Variants in NID1 observed in about 807,000 individuals in gnomAD.
The protein encoded by NID1 is nidogen 1.
Under a neutral mutation model 130.6 loss-of-function variants are expected in NID1, and 76 were observed. The observed-to-expected ratio is 0.58, with a 90% CI of 0.48 to 0.70. The LOEUF is 0.70. Among genes scored for constraint, NID1 ranks in the 30% least tolerant of loss-of-function variants. The pLI, the probability that NID1 is intolerant of heterozygous loss-of-function variation, is 0.00. For synonymous variants in NID1, 665 were observed against 675.1 expected, an observed-to-expected ratio of 0.98 and a Z score of 0.23; for missense variants, 1,517 against 1,664.8, an observed-to-expected ratio of 0.91 and a Z score of 1.54.
intron 12 of NID1, among the ~76,000 whole-genome samples, chr1:235,995,634 GC>G (rs995594521): frequency 6.6e-6 from 1 of 152,186 alleles, no homozygotes; most frequent in African/African-American, 2.4e-5. Flanking sequence ...CTTTCCACGT[GC>G]TATTCTTTTT....
At chr1:236,033,073 C>T (rs1464578558) in intron 5 of NID1, among the ~76,000 whole-genome samples, 32 of 152,102 alleles carry the variant, frequency 2.1e-4, no homozygotes, top group Admixed American at 2.0e-3. Flanking sequence ...TTTGGGAGGC[C>T]GAGGCAGGCA....
chr1:236,026,739 ATTTT>A (rs768617564), intron 7 of NID1, among the ~76,000 whole-genome samples: 2 of 137,180 alleles, frequency 1.5e-5, no homozygotes, highest in Admixed American at 7.3e-5. Flanking sequence ...TTTCTTTTTC[ATTTT>A]TTTTTTTTTT....
chr1:236,042,087 T>G lies in NID1; in HGVS notation c.958A>C (p.Arg320=). The change falls in exon 4 of 20, where the codon AGG becomes CGG. Residue 320 remains arginine, a synonymous_variant. Transcript: ENST00000264187. ...ACACTGTATGTGTCAGCACCTCCCCTTCTCAGAGCCTTGTAGGAGAAGGGC... is the reference window on the plus strand; with the variant it reads ...ACACTGTATGTGTCAGCACCTCCCCGTCTCAGAGCCTTGTAGGAGAAGGGC... ...TTPFSYKALR[R]GGADTYSVPS... 1 of 1,614,160 alleles carries G rather than the reference T, an allele frequency of 6.2e-7. No homozygotes were observed. Among genetic ancestry groups the G allele is most frequent in the Non-Finnish European group, 8.5e-7 (1 of 1,180,030 alleles).
chr1:236,052,805 A>T (rs921605304), intron 1 of NID1, among the ~76,000 whole-genome samples: 6 of 152,148 alleles, frequency 3.9e-5, no homozygotes, highest in Non-Finnish European at 8.8e-5. Context: ...ATAGGACAGC[A>T]ACCTGTCCAG....
rs1657375340 is a variant in NID1, at chr1:235,979,700, G to A, written c.3509+122C>T. On this transcript the variant is annotated intron_variant, in intron 18 of 19. Transcript: ENST00000264187. This position sits in a 1 kb window ranked among gnomAD's most constrained non-coding sequence, Gnocchi z 4.6. ...GGATAAGGGAGAGGGGACATCTCTA[G>A]AGGGGGCATTTCTGGAGGCTCAAAA... 6 of 1,057,356 alleles carry A rather than the reference G, an allele frequency of 5.7e-6. No individual in the cohort carries two copies. Among genetic ancestry groups the A allele is most frequent in the Middle Eastern group, 6.0e-4 (2 of 3,344 alleles). 65.5% of individuals were successfully genotyped at this position (1,057,356 alleles called of 1,614,324 possible). A position where few individuals can be genotyped will look rare whatever the true frequency, so the allele number is the denominator to read the frequency against.
At chr1:236,002,229 G>A (rs139233520) in intron 12 of NID1, among the ~76,000 whole-genome samples, 104 of 152,324 alleles carry the variant, frequency 6.8e-4, no homozygotes, top group African/African-American at 2.3e-3. Context: ...CAGGCTGGGC[G>A]CGGTGGCTCA....
At position 236,024,132 on chromosome 1, in the gene NID1, G is replaced by A; in HGVS notation, c.2066C>T (p.Pro689Leu). 1.2e-6 allele frequency: 2 copies of A among 1,614,250 alleles called. No homozygotes were observed. Among genetic ancestry groups the A allele is most frequent in the Non-Finnish European group, 1.7e-6 (2 of 1,180,042 alleles). Residue 689 changes from proline (P) to leucine (L), a missense_variant, in exon 9 of 20, where the codon CCC becomes CTC. By Grantham distance (98) the Pro-to-Leu change is moderately conservative. Coordinates refer to ENST00000264187, the MANE Select transcript of NID1 (RefSeq NM_002508.3). The stretch of plus-strand genomic sequence containing the variant: ...GCACTCGCAGGTGAACTGTGTCCTG[G>A]GACCAGGGCGACAGGCCGCGTTGGT... ...CDTNAACRPG[P>L]RTQFTCECSI...
At chr1:236,004,582 G>A (rs1301467591) in intron 12 of NID1, among the ~76,000 whole-genome samples, 2 of 151,938 alleles carry the variant, frequency 1.3e-5, no homozygotes, top group Non-Finnish European at 2.9e-5. Context: ...CTAACACGGT[G>A]AAACCCTGTC....
At chr1:236,031,767 G>A (rs1659108385) in intron 6 of NID1, among the ~76,000 whole-genome samples, 1 of 152,174 alleles carries the variant, frequency 6.6e-6, no homozygotes, top group African/African-American at 2.4e-5. Context: ...GCAGGGCAAG[G>A]GGAAGGCCAC....
At position 236,001,389 on chromosome 1, in the gene NID1, G is replaced by A. The variant is rs568772505; in HGVS notation, c.2528-7517C>T. On this transcript the variant is annotated intron_variant, in intron 12 of 19. Coordinates refer to ENST00000264187, the MANE Select transcript of NID1 (RefSeq NM_002508.3). ...CAAAGTGCTGGGATTACAGGCTTGA[G>A]CCACCACGCCCAGCCTGGCTTTGAG... 3.0e-4 allele frequency among the ~76,000 whole-genome samples: 45 copies of A among 152,256 alleles called. 1 individual carries two copies. Among genetic ancestry groups the A allele is most frequent in the African/African-American group, 1.1e-3 (45 of 41,550 alleles).
chr1:235,998,186 A>T (rs1657980617), intron 12 of NID1, among the ~76,000 whole-genome samples: 1 of 152,216 alleles, frequency 6.6e-6, no homozygotes, highest in African/African-American at 2.4e-5. Context: ...GCCAGTTCTC[A>T]TGTTGGTTTG....
chr1:235,998,643 C>G (rs925160821), intron 12 of NID1, among the ~76,000 whole-genome samples: 1 of 151,798 alleles, frequency 6.6e-6, no homozygotes, highest in South Asian at 2.1e-4. Context: ...ACATTGCACT[C>G]CAGCCTGGAC....
In NID1 at chr1:236,038,071, C is replaced by T. The variant is rs2273587; in HGVS notation, c.1285+33G>A. 634 of 1,577,020 alleles carry T rather than the reference C, an allele frequency of 4.0e-4. 8 individuals carry two copies. In the East Asian group the frequency reaches 0.013, roughly 32 times the overall value. The stretch of plus-strand genomic sequence containing the variant: ...AAACAAAAACTCCGCTCCTCCTTCT[C>T]CCGCATGAAACGAACATAGAAAAGC... On this transcript the variant is annotated intron_variant, in intron 5 of 19. Transcript: ENST00000264187.
At chr1:236,005,144 G>C (rs922412260) in intron 12 of NID1, among the ~76,000 whole-genome samples, 9 of 152,132 alleles carry the variant, frequency 5.9e-5, no homozygotes, top group African/African-American at 2.2e-4. Context: ...CTGCACTCCA[G>C]CCTGGGTAAC....
intron 8 of NID1, 97 bp from the exon 9 acceptor site, chr1:236,024,310 G>T: frequency 1.4e-6 from 2 of 1,432,120 alleles, no homozygotes; most frequent in Non-Finnish European, 1.9e-6. Context: ...TGAGCAAGAA[G>T]GTGATCACAG....
At chr1:236,057,522 G>C (rs1659927874) in intron 1 of NID1, among the ~76,000 whole-genome samples, 1 of 151,836 alleles carries the variant, frequency 6.6e-6, no homozygotes, top group Non-Finnish European at 1.5e-5. Context: ...CTGAGGTCGG[G>C]AGTTTGAGCC....
chr1:236,031,729 C>T (rs1269702740), intron 6 of NID1, among the ~76,000 whole-genome samples: 1 of 152,188 alleles, frequency 6.6e-6, no homozygotes, highest in African/African-American at 2.4e-5. Flanking sequence ...GAATGGGTCT[C>T]CAGCATGCAA....
chr1:236,012,578 A>AAAAAAAAAG (rs1553343926), intron 11 of NID1, among the ~76,000 whole-genome samples: 34 of 99,534 alleles, frequency 3.4e-4, no homozygotes, highest in African/African-American at 1.3e-3. Context: ...AAAAAAAAAA[A>AAAAAAAAAG]AAAGAAAGAA....
chr1:235,997,795 A>G (rs1657970486), intron 12 of NID1, among the ~76,000 whole-genome samples: 1 of 151,786 alleles, frequency 6.6e-6, no homozygotes, highest in Non-Finnish European at 1.5e-5. Flanking sequence ...TTTGGTAGAG[A>G]CGGGGTTTCA....
Sources: allele counts gnomAD v4.1 joint callset (sites outside exome capture counted in the v4.1 genomes callset), GRCh38; gene constraint gnomAD v4.1.1; non-coding constraint Gnocchi (gnomAD v3.1); transcripts MANE v1.5; gene names NCBI Gene and HGNC (gene_info 2026-07-23, HGNC 2026-07-21).